Variants in TEX36 observed in about 807,000 individuals in gnomAD.
The protein encoded by TEX36 is testis expressed 36, also known as testis-expressed protein 36.
In TEX36, 12 loss-of-function variants were observed where a neutral mutation model predicts 13.6. The ratio of observed to expected loss-of-function variants is 0.88; its 90% confidence interval spans 0.56 to 1.43. The LOEUF (loss-of-function observed/expected upper bound fraction) is 1.43, where lower values mean the gene tolerates loss of function less well. Among genes scored for constraint, TEX36 ranks in the 40% most tolerant of loss-of-function variants. The pLI, the probability that TEX36 is intolerant of heterozygous loss-of-function variation, is 0.00. For synonymous variants in TEX36, 93 were observed against 83.0 expected (o/e 1.12, Z -0.65); for missense variants, 224 against 228.3 (o/e 0.98, Z 0.12).
rs929428321 is a variant in TEX36 at position 125,576,874 on chromosome 10, C to T, written c.265G>A (p.Glu89Lys). Residue 89 changes from glutamate to lysine, a missense_variant and splice_region_variant, in exon 4 of 4, where the codon GAA (glutamate) becomes AAA (lysine). By Grantham distance (56) the Glu-to-Lys change is moderately conservative. Transcript: ENST00000532135. ...TGTGGGTCCGTTGCTGTCATTCTTTCCTGTGAGGAAGAGGGAAGATGTAGA... is the reference window on the plus strand; with the variant it reads ...TGTGGGTCCGTTGCTGTCATTCTTTTCTGTGAGGAAGAGGGAAGATGTAGA... 3.3e-6 allele frequency: 5 copies of T among 1,535,924 alleles called. No individual in the cohort carries two copies. The African/African-American group carries it at 5.5e-5, about 17-fold the overall frequency.
chr10:125,660,938 C>T, intron 3 of TEX36, 83 bp downstream of exon 3: 2 of 1,222,472 alleles, frequency 1.6e-6, no homozygotes, highest in Admixed American at 2.0e-5. Context: ...TGAGGCCAAT[C>T]CTCTATCTTC....
exon 4 of TEX36, chr10:125,576,657 C>T: frequency 6.8e-7 from 1 of 1,472,040 alleles, no homozygotes; most frequent in Non-Finnish European, 9.1e-7. Flanking sequence ...ACTAGCTAGG[C>T]TAAGACAAAA....
chr10:125,625,162 G>A (rs1163237539), intron 3 of TEX36, among the ~76,000 whole-genome samples: 2 of 152,188 alleles, frequency 1.3e-5, no homozygotes, highest in Non-Finnish European at 2.9e-5. Flanking sequence ...ACACGCAGAC[G>A]ATATGCGTGC....
intron 1 of TEX36, among the ~76,000 whole-genome samples, chr10:125,663,428 G>A (rs900579793): frequency 6.6e-6 from 1 of 152,138 alleles, no homozygotes; most frequent in African/African-American, 2.4e-5. Flanking sequence ...TAGCATTGCT[G>A]GATCAAATGG....
At chr10:125,649,727 T>C (rs1360222223) in intron 3 of TEX36, among the ~76,000 whole-genome samples, 1 of 152,190 alleles carries the variant, frequency 6.6e-6, no homozygotes, top group Non-Finnish European at 1.5e-5. Context: ...TCAAGAGCCA[T>C]CAGTGTGCTG....
chr10:125,588,309 T>C (rs2133529725), intron 3 of TEX36, among the ~76,000 whole-genome samples: 1 of 152,320 alleles, frequency 6.6e-6, no homozygotes, highest in South Asian at 2.1e-4. Context: ...TGGTTAAAAG[T>C]AGTATCTTAG....
At chr10:125,600,938 T>C (rs1267758423) in intron 3 of TEX36, among the ~76,000 whole-genome samples, 2 of 152,226 alleles carry the variant, frequency 1.3e-5, no homozygotes, top group South Asian at 2.1e-4. Context: ...GCCTCACTGA[T>C]GACCTTAGCA....
chr10:125,602,239 C>G (rs1300328790), intron 3 of TEX36, among the ~76,000 whole-genome samples: 1 of 152,164 alleles, frequency 6.6e-6, no homozygotes, highest in African/African-American at 2.4e-5. Context: ...TGGCCTAGCA[C>G]CCATCTCCTG....
intron 3 of TEX36, among the ~76,000 whole-genome samples, chr10:125,656,748 C>A (rs184486121): frequency 1.1e-4 from 17 of 152,204 alleles, no homozygotes; most frequent in African/African-American, 4.1e-4. Context: ...GGGGCCTGCA[C>A]TTTTAGAGAC....
intron 3 of TEX36, 112 bp from the exon 4 acceptor site, chr10:125,656,308 G>A (rs1314399262): frequency 1.7e-5 from 18 of 1,033,620 alleles, no homozygotes; most frequent in East Asian, 3.0e-5. Flanking sequence ...CCAGGCCAGA[G>A]TTCAGTGGCA....
At chr10:125,682,509 C>G (rs1009701942) in intron 1 of TEX36, among the ~76,000 whole-genome samples, 2 of 152,112 alleles carry the variant, frequency 1.3e-5, no homozygotes, top group African/African-American at 2.4e-5. Flanking sequence ...GTATTGAGTG[C>G]CTTCTATGCT....
intron 1 of TEX36, chr10:125,667,977 C>T (rs770868055): frequency 4.8e-6 from 4 of 828,172 alleles, no homozygotes; most frequent in Non-Finnish European, 6.3e-6. Context: ...AGTTCCAGTG[C>T]TTCAAAGGAA....
intron 3 of TEX36, among the ~76,000 whole-genome samples, chr10:125,641,080 A>G (rs1447430066): frequency 1.3e-5 from 2 of 152,100 alleles, no homozygotes; most frequent in African/African-American, 4.8e-5. Context: ...CAGCTGTGAT[A>G]TGTCCTGAAC....
intron 3 of TEX36, among the ~76,000 whole-genome samples, chr10:125,638,303 G>C (rs561409861): frequency 6.6e-6 from 1 of 151,098 alleles, no homozygotes; most frequent in Non-Finnish European, 1.5e-5. Flanking sequence ...TCTTTCCCTC[G>C]GTCTATAAGC....
At chr10:125,577,838 C>T (rs955867913) in intron 3 of TEX36, among the ~76,000 whole-genome samples, 8 of 152,140 alleles carry the variant, frequency 5.3e-5, no homozygotes, top group Admixed American at 5.2e-4. Flanking sequence ...TTGTAGACTG[C>T]ACAAATAACT....
Position 125,661,003 on chromosome 10 carries a change from T to C in TEX36, c.264+18A>G, listed in dbSNP as rs1847027208. The C allele has an allele frequency of 3.9e-6, 6 of 1,543,600 alleles. No homozygotes were observed. The highest frequency in any genetic ancestry group is 5.3e-6 in the Non-Finnish European group (6 of 1,139,658). ...TGTTGTTCCCTGTTTTATTAATAAT[T>C]TGGAAAGAAATACTCACGGAGTCAA... On this transcript the variant is annotated intron_variant, in intron 3 of 3. Transcript: ENST00000368821.
At chr10:125,612,016 G>A (rs953142450) in intron 3 of TEX36, among the ~76,000 whole-genome samples, 18 of 151,460 alleles carry the variant, frequency 1.2e-4, no homozygotes, top group African/African-American at 3.2e-4. Flanking sequence ...TGTAGCATGC[G>A]AGCCTCATGA....
At chr10:125,582,932 T>C (rs1228336390) in intron 3 of TEX36, among the ~76,000 whole-genome samples, 1 of 152,226 alleles carries the variant, frequency 6.6e-6, no homozygotes, top group East Asian at 1.9e-4. Flanking sequence ...TTGTATTCCA[T>C]GGAGATCTAT....
intron 3 of TEX36, among the ~76,000 whole-genome samples, chr10:125,624,498 G>A (rs949941634): frequency 5.9e-5 from 9 of 152,120 alleles, no homozygotes; most frequent in Non-Finnish European, 1.3e-4. Flanking sequence ...AGGGTCCTGA[G>A]GAAGAGTTGC....
Sources: allele counts gnomAD v4.1 joint callset (sites outside exome capture counted in the v4.1 genomes callset), GRCh38; gene constraint gnomAD v4.1.1; transcripts MANE v1.5; gene names NCBI Gene and HGNC (gene_info 2026-07-23, HGNC 2026-07-21).